The following CLINT1 variants were observed in gnomAD, a reference collection of about 807,000 sequenced individuals.
CLINT1 encodes the protein clathrin interacting protein localized in the trans-Golgi region.
A neutral mutation model predicts 70.4 loss-of-function variants in CLINT1; 15 were observed. That is an observed-to-expected ratio of 0.21 (90% confidence interval 0.14 to 0.33). CLINT1 has a LOEUF of 0.33. Among genes scored for constraint, CLINT1 ranks in the 10% least tolerant of loss-of-function variants. CLINT1 has a pLI of 1.00. For synonymous variants in CLINT1, 227 were observed against 254.7 expected (o/e 0.89, Z 1.04); for missense variants, 615 against 778.1 (o/e 0.79, Z 2.49).
intron 1 of CLINT1, among the ~76,000 whole-genome samples, chr5:157,842,636 T>C (rs558957659): frequency 1.3e-5 from 2 of 152,360 alleles, no homozygotes; most frequent in East Asian, 3.9e-4. Flanking sequence ...AAAGTTGCTT[T>C]GCAAATATCA....
At chr5:157,834,118 G>A (rs1763338477) in intron 1 of CLINT1, among the ~76,000 whole-genome samples, 1 of 150,268 alleles carries the variant, frequency 6.7e-6, no homozygotes, top group African/African-American at 2.5e-5. Flanking sequence ...AAGGCAAGCG[G>A]ATTGCCTAGG....
At chr5:157,802,630 C>A (rs1166653055) in intron 8 of CLINT1, among the ~76,000 whole-genome samples, 2 of 151,602 alleles carry the variant, frequency 1.3e-5, no homozygotes, top group African/African-American at 2.4e-5. Flanking sequence ...ACTGCAACCT[C>A]CGCCTCCCGG....
At chr5:157,799,141 G>A (rs147808962) in intron 8 of CLINT1, among the ~76,000 whole-genome samples, 23 of 152,210 alleles carry the variant, frequency 1.5e-4, no homozygotes, top group African/African-American at 4.6e-4. Context: ...TACTTTATGT[G>A]TCTAAATTAT....
rs146889751 is a variant in CLINT1, at chr5:157,791,753, T to C, written c.1330A>G (p.Met444Val). Reference protein sequence around the residue: ...MTSSQSMNFSMMSTNTVGLGL... With the variant: ...MTSSQSMNFSVMSTNTVGLGL... ...AGTCCCACAGTGTTAGTGCTCATCA[T>C]AGAGAAATTCATACTCTGGGAAGAT... Residue 444 changes from methionine (M) to valine (V), a missense_variant, in exon 10 of 12, where the codon ATG becomes GTG. Coordinates refer to ENST00000411809, the MANE Select transcript of CLINT1 (RefSeq NM_014666.4). The C allele has an allele frequency of 3.3e-4, 531 of 1,614,040 alleles. No individual in the cohort carries two copies. The African/African-American group carries it at 6.1e-3, about 18-fold the overall frequency.
rs372156785 is a variant in CLINT1 at position 157,855,571 on chromosome 5, T to C, written c.41+3359A>G. Among the ~76,000 whole-genome samples, 127 of 152,278 alleles carry C rather than the reference T, an allele frequency of 8.3e-4. 1 individual carries two copies. The highest frequency in any genetic ancestry group is 2.7e-3 in the African/African-American group (113 of 41,546). On this transcript the variant is annotated intron_variant, in intron 1 of 11. Transcript: ENST00000411809. ...TGCTTCCCTCAGTTCCACAATGTTC[T>C]GCAAAACAAATCCCTCTACTGCCAC... is the stretch of plus-strand genomic sequence containing the variant.
chr5:157,854,805 T>C (rs1362460943), intron 1 of CLINT1, among the ~76,000 whole-genome samples: 3 of 152,104 alleles, frequency 2.0e-5, no homozygotes, highest in Admixed American at 1.3e-4. Flanking sequence ...CCCATAGCTG[T>C]TGCCTTAGGA....
At position 157,807,821 on chromosome 5, in the gene CLINT1, A is replaced by G. The variant is rs576815752; in HGVS notation, c.696-1709T>C. Among the ~76,000 whole-genome samples, 4 of 152,220 alleles carry G rather than the reference A, an allele frequency of 2.6e-5. No individual in the cohort carries two copies. The South Asian group carries it at 8.3e-4, about 32-fold the overall frequency. ...ATAGAAGGGCAAAGGAGAGAAAGTAACAATACAGAACACACACAGATATCT... is the reference window on the plus strand; with the variant it reads ...ATAGAAGGGCAAAGGAGAGAAAGTAGCAATACAGAACACACACAGATATCT... On this transcript the variant is annotated intron_variant, in intron 6 of 11. Coordinates refer to ENST00000411809, the MANE Select transcript of CLINT1 (RefSeq NM_014666.4).
At chr5:157,831,190 C>CT (rs34655817) in intron 1 of CLINT1, among the ~76,000 whole-genome samples, 364 of 140,680 alleles carry the variant, frequency 2.6e-3, no homozygotes, top group Middle Eastern at 3.6e-3. Context: ...TCGTGTTTTA[C>CT]TTTTTTTTTT....
chr5:157,839,874 C>A (rs1242506811), intron 1 of CLINT1, among the ~76,000 whole-genome samples: 1 of 151,902 alleles, frequency 6.6e-6, no homozygotes, highest in African/African-American at 2.4e-5. Context: ...CTGAAGCAGT[C>A]AAAGTTTCAG....
chr5:157,796,418 T>G (rs1190084644), intron 8 of CLINT1, among the ~76,000 whole-genome samples: 1 of 152,264 alleles, frequency 6.6e-6, no homozygotes, highest in African/African-American at 2.4e-5. Flanking sequence ...TATCTGAAAC[T>G]TTAAATAGTC....
At chr5:157,799,637 A>G (rs1762157701) in intron 8 of CLINT1, among the ~76,000 whole-genome samples, 1 of 152,090 alleles carries the variant, frequency 6.6e-6, no homozygotes, top group Non-Finnish European at 1.5e-5. Flanking sequence ...GAGATAAACT[A>G]AAAAAAGAAA....
At chr5:157,850,081 G>A (rs1561677013) in intron 1 of CLINT1, among the ~76,000 whole-genome samples, 1 of 152,202 alleles carries the variant, frequency 6.6e-6, no homozygotes, top group South Asian at 2.1e-4. Context: ...GTGAGGGACA[G>A]TGGTGGGAGA....
intron 1 of CLINT1, among the ~76,000 whole-genome samples, chr5:157,824,072 G>A (rs1308720470): frequency 6.6e-6 from 1 of 152,156 alleles, no homozygotes; most frequent in Non-Finnish European, 1.5e-5. Context: ...AAAGGTTAGA[G>A]ACCACTGCTG....
intron 10 of CLINT1, among the ~76,000 whole-genome samples, chr5:157,791,132 C>G (rs1405826019): frequency 2.0e-5 from 3 of 152,108 alleles, no homozygotes; most frequent in African/African-American, 7.2e-5. Flanking sequence ...GATCTCAGCT[C>G]ACTGCAAGCT....
At position 157,830,757 on chromosome 5, in the gene CLINT1, C is replaced by CTCTCTCT. The variant is rs1561662736; in HGVS notation, c.42-13211_42-13210insAGAGAGA. On this transcript the variant is annotated intron_variant, in intron 1 of 11. Transcript: ENST00000411809. ...CTCTCCCTGCCCCTCCCTCTCTCTC[C>CTCTCTCT]CTCTCTCTCTCTCTCTCTCTCTCTC... Among the ~76,000 whole-genome samples the CTCTCTCT allele has an allele frequency of 1.9e-4, 17 of 87,400 alleles. 1 individual carries two copies. Among genetic ancestry groups the CTCTCTCT allele is most frequent in the South Asian group, 4.5e-4 (1 of 2,204 alleles). The allele number at this position is 87,400 out of a possible 152,430, so 57.3% of individuals were successfully genotyped here.
intron 10 of CLINT1, chr5:157,790,456 A>G (rs1236580508): frequency 3.1e-6 from 1 of 326,798 alleles, no homozygotes; most frequent in African/African-American, 2.2e-5. Flanking sequence ...AAGGACAGAA[A>G]AAAGGAACAG....
At chr5:157,831,380 C>A (rs1258228854) in intron 1 of CLINT1, among the ~76,000 whole-genome samples, 1 of 151,856 alleles carries the variant, frequency 6.6e-6, no homozygotes, top group African/African-American at 2.4e-5. Flanking sequence ...TCAGTAAAGA[C>A]AAGGTTTCAC....
chr5:157,838,562 A>G (rs944859683), intron 1 of CLINT1, among the ~76,000 whole-genome samples: 1 of 152,228 alleles, frequency 6.6e-6, no homozygotes, highest in Admixed American at 6.5e-5. Context: ...GCAAACGTGG[A>G]TAGTTTACAC....
Position 157,858,981 on chromosome 5 carries a change from G to A in CLINT1, c.-11C>T. 2 of 1,595,890 alleles carry A rather than the reference G, an allele frequency of 1.3e-6. No homozygotes were observed. On this transcript the variant is annotated 5_prime_UTR_variant, in exon 1 of 12. Coordinates refer to ENST00000411809, the MANE Select transcript of CLINT1 (RefSeq NM_014666.4). ...CCACATGTTCAACATCGTGCCCCGC[G>A]CGGGACGGTCCGCCGCCTCCCTCTC...
Sources: gnomAD v4.1 joint callset for allele counts (sites outside exome capture counted in the v4.1 genomes callset) on GRCh38, gnomAD v4.1.1 for gene constraint, MANE v1.5 for transcripts, NCBI Gene and HGNC (gene_info 2026-07-23, HGNC 2026-07-21) for gene names.